The following EIF4ENIF1 variants were observed in gnomAD, a reference collection of about 807,000 sequenced individuals.
EIF4ENIF1 encodes the protein eukaryotic translation initiation factor 4E transporter.
A neutral mutation model predicts 110.5 loss-of-function variants in EIF4ENIF1; 23 were observed. That is an observed-to-expected ratio of 0.21 (90% confidence interval 0.15 to 0.29). The LOEUF is 0.29. Among genes scored for constraint, EIF4ENIF1 ranks in the 10% least tolerant of loss-of-function variants. The pLI, the probability that EIF4ENIF1 is intolerant of heterozygous loss-of-function variation, is 1.00. For synonymous variants in EIF4ENIF1, 440 were observed against 437.0 expected (o/e 1.01, Z -0.09); for missense variants, 1,031 against 1,221.1 (o/e 0.84, Z 2.32).
At chr22:31,474,059 T>C (rs1169309739) in intron 2 of EIF4ENIF1, among the ~76,000 whole-genome samples, 1 of 150,256 alleles carries the variant, frequency 6.7e-6, no homozygotes, top group Non-Finnish European at 1.5e-5. Flanking sequence ...CTCCTAGTTT[T>C]TCCTCTTTTT....
downstream of EIF4ENIF1, among the ~76,000 whole-genome samples, chr22:31,438,945 C>T (rs1330197972): frequency 6.6e-6 from 1 of 152,118 alleles, no homozygotes; most frequent in African/African-American, 2.4e-5. Flanking sequence ...TGGTCTTGAT[C>T]TCTTGACCTT....
chr22:31,440,726 C>T lies in EIF4ENIF1; in HGVS notation c.2694G>A (p.Val898=). Residue 898 remains valine (V), a synonymous_variant, in exon 18 of 19, where the codon GTG becomes GTA. Transcript: ENST00000330125. ...RPGTPLHLAM[V]QQQLQRSVLH... ...TACCTGAGCGCTGTAGCTGCTGTTGCACCATTGCCAGATGCAGAGGTGTTC... is the reference window on the plus strand; with the variant it reads ...TACCTGAGCGCTGTAGCTGCTGTTGTACCATTGCCAGATGCAGAGGTGTTC... The T allele has an allele frequency of 6.2e-7, 1 of 1,613,954 alleles. No individual in the cohort carries two copies. Among genetic ancestry groups the T allele is most frequent in the South Asian group, 1.1e-5 (1 of 91,074 alleles).
intron 7 of EIF4ENIF1, among the ~76,000 whole-genome samples, chr22:31,456,333 C>G (rs970468036): frequency 6.7e-6 from 1 of 150,062 alleles, no homozygotes; most frequent in Non-Finnish European, 1.5e-5. Flanking sequence ...ACACCATTCT[C>G]CTGCCTCAGC....
At chr22:31,481,289 A>C (rs2051805900) in intron 2 of EIF4ENIF1, among the ~76,000 whole-genome samples, 1 of 151,424 alleles carries the variant, frequency 6.6e-6, no homozygotes, top group South Asian at 2.1e-4. Flanking sequence ...TAGCCTCTTG[A>C]GTATCTGGGA....
rs372820242 is a variant in EIF4ENIF1 at position 31,484,885 on chromosome 22, G to A, written c.96+3738C>T. 7.2e-5 allele frequency among the ~76,000 whole-genome samples: 11 copies of A among 152,258 alleles called. No homozygotes were observed. In the East Asian group the frequency reaches 7.7e-4, roughly 11 times the overall value. On this transcript the variant is annotated intron_variant, in intron 2 of 18. Transcript: ENST00000330125. Reference sequence around the variant, plus strand: ...CTACTGCTTCTAGATCTTCTAGCCCGTGAACTTGAAGTGGCAGAAACATCA... The same window carrying A: ...CTACTGCTTCTAGATCTTCTAGCCCATGAACTTGAAGTGGCAGAAACATCA...
chr22:31,483,890 C>G (rs1274384811), intron 2 of EIF4ENIF1, among the ~76,000 whole-genome samples: 1 of 152,160 alleles, frequency 6.6e-6, no homozygotes, highest in African/African-American at 2.4e-5. Context: ...GTTCAAGACC[C>G]TCAGGGTAAC....
At chr22:31,437,506 T>C (rs2050190103), downstream of EIF4ENIF1, among the ~76,000 whole-genome samples, 1 of 138,482 alleles carries the variant, frequency 7.2e-6, no homozygotes, top group African/African-American at 2.7e-5. Flanking sequence ...ATACTTTTGC[T>C]AAAACCTGTA....
intron 16 of EIF4ENIF1, 50 bp from the exon 17 acceptor site, chr22:31,442,168 T>C (rs763920597): frequency 1.0e-5 from 14 of 1,385,642 alleles, no homozygotes; most frequent in Non-Finnish European, 1.4e-5. Flanking sequence ...CCCAAACACT[T>C]GTGGCCTCCC....
At chr22:31,470,250 GT>G in intron 3 of EIF4ENIF1, among the ~76,000 whole-genome samples, 1 of 2,496 alleles carries the variant, frequency 4.0e-4, no homozygotes, top group Admixed American at 8.3e-3. Context: ...ATCAGGGAAT[GT>G]GGTATGAGGC....
chr22:31,454,482 G>A, intron 9 of EIF4ENIF1, 106 bp from the exon 10 acceptor site: 1 of 937,844 alleles, frequency 1.1e-6, no homozygotes, highest in Non-Finnish European at 1.6e-6. Flanking sequence ...TTTCAAAATT[G>A]AGATGAGACT....
intron 4 of EIF4ENIF1, among the ~76,000 whole-genome samples, chr22:31,465,652 C>T (rs2051160815): frequency 6.6e-6 from 1 of 152,174 alleles, no homozygotes; most frequent in African/African-American, 2.4e-5. Context: ...GCTATACAAC[C>T]CAGCCATTTT....
intron 2 of EIF4ENIF1, among the ~76,000 whole-genome samples, chr22:31,479,687 GT>G (rs11321585): frequency 0.73 from 90,534 of 124,804 alleles, 32,252 homozygotes; most frequent in Non-Finnish European, 0.76. Context: ...TTGGAAAGGT[GT>G]TTTTTTTTTT....
chr22:31,440,585 CA>C, intron 18 of EIF4ENIF1, 118 bp downstream of exon 18: 1 of 1,292,866 alleles, frequency 7.7e-7, no homozygotes, highest in Non-Finnish European at 1.1e-6. Flanking sequence ...CACTTTGTCC[CA>C]AACTTAGAAC....
At chr22:31,456,982 A>G (rs1247113482) in intron 7 of EIF4ENIF1, among the ~76,000 whole-genome samples, 1 of 152,236 alleles carries the variant, frequency 6.6e-6, no homozygotes, top group Non-Finnish European at 1.5e-5. Context: ...AATATCAAGT[A>G]TGGGGAACTG....
At position 31,447,421 on chromosome 22, in the gene EIF4ENIF1, T is replaced by C. The variant is rs756988812; in HGVS notation, c.1988+5A>G. 1 of 1,608,540 alleles carries C rather than the reference T, an allele frequency of 6.2e-7. No homozygotes were observed. The highest frequency in any genetic ancestry group is 1.3e-5 in the African/African-American group (1 of 74,708). ...ATCTCCACATGAGCAGGATTAGTAATTTACCTGTTTCTGAATCCATCTCTG... is the reference window on the plus strand; with the variant it reads ...ATCTCCACATGAGCAGGATTAGTAACTTACCTGTTTCTGAATCCATCTCTG... On this transcript the variant is annotated splice_donor_5th_base_variant and intron_variant, in intron 14 of 18. Transcript: ENST00000330125.
In EIF4ENIF1 at chr22:31,456,091, C is replaced by T. The variant is rs138600891; in HGVS notation, c.964-104G>A. ...TTACTTTGAAACTTCCTTTCATGCT[C>T]GTGACCTGAAGATAAATACTCTCAG... On this transcript the variant is annotated intron_variant, in intron 7 of 18. Coordinates refer to ENST00000330125, the MANE Select transcript of EIF4ENIF1 (RefSeq NM_019843.4). The T allele has an allele frequency of 1.5e-4, 179 of 1,168,248 alleles. No homozygotes were observed. In the East Asian group the frequency reaches 2.7e-3, roughly 18 times the overall value. 72.4% of individuals were successfully genotyped at this position (1,168,248 alleles called of 1,614,324 possible).
chr22:31,479,461 T>G (rs1324027388), intron 2 of EIF4ENIF1: 1 of 152,146 alleles, frequency 6.6e-6, no homozygotes, highest in Non-Finnish European at 1.5e-5. Flanking sequence ...TTGTTGCAAT[T>G]TTAGTATATG....
rs757721581 is a variant in EIF4ENIF1, at chr22:31,488,600, A to G, written c.96+23T>C. On this transcript the variant is annotated intron_variant, in intron 2 of 18. Coordinates refer to ENST00000330125, the MANE Select transcript of EIF4ENIF1 (RefSeq NM_019843.4). Reference sequence around the variant, plus strand: ...ACTTCGCCACCTAAAAAGAAACACTATTTCATTAGTGGCAAACCTTACTTT... The same window carrying G: ...ACTTCGCCACCTAAAAAGAAACACTGTTTCATTAGTGGCAAACCTTACTTT... 4.3e-6 allele frequency: 7 copies of G among 1,614,110 alleles called. No homozygotes were observed. The East Asian group carries it at 1.3e-4, about 31-fold the overall frequency.
chr22:31,446,051 G>C (rs1313571457), intron 14 of EIF4ENIF1, among the ~76,000 whole-genome samples: 1 of 150,764 alleles, frequency 6.6e-6, no homozygotes, highest in Non-Finnish European at 1.5e-5. Context: ...GCACTTTGGG[G>C]ACCGAAGCAG....
Sources: allele counts gnomAD v4.1 joint callset (sites outside exome capture counted in the v4.1 genomes callset), GRCh38; gene constraint gnomAD v4.1.1; transcripts MANE v1.5; gene names NCBI Gene and HGNC (gene_info 2026-07-23, HGNC 2026-07-21).